The following KCNG4 variants were observed in gnomAD, a reference collection of about 807,000 sequenced individuals.
KCNG4 encodes the protein voltage-gated potassium channel regulatory subunit KCNG4.
In KCNG4, 30 loss-of-function variants were observed where a neutral mutation model predicts 28.2. That is an observed-to-expected ratio of 1.06 (90% confidence interval 0.80 to 1.44). The LOEUF is 1.44. Among genes scored for constraint, KCNG4 ranks in the 40% most tolerant of loss-of-function variants. The pLI is 0.00. For missense variants in KCNG4, 879 were observed against 712.3 expected, an observed-to-expected ratio of 1.23 and a Z score of -2.66; for synonymous variants, 375 against 315.5, an observed-to-expected ratio of 1.19 and a Z score of -2.00.
intron 2 of KCNG4, chr16:84,235,923 TC>T (rs753357180): frequency 6.6e-6 from 1 of 152,166 alleles, no homozygotes; most frequent in Non-Finnish European, 1.5e-5. Flanking sequence ...GGTTCTTATT[TC>T]ACTTCTCAGA....
rs1904536074 is a variant in KCNG4, at chr16:84,220,638, T to A, written c.*1579A>T. The A allele has an allele frequency of 6.6e-6, 1 of 152,278 alleles. No homozygotes were observed. The highest frequency in any genetic ancestry group is 1.5e-5 in the Non-Finnish European group (1 of 68,072). 9.4% of individuals were successfully genotyped at this position (152,278 alleles called of 1,614,324 possible). A position where few individuals can be genotyped will look rare whatever the true frequency, so the allele number is the denominator to read the frequency against. ...ACTTCACTGTCACCTGTTTTGATCT[T>A]GTGCACTTTCTTCAAGAGTCCTAGA... On this transcript the variant is annotated 3_prime_UTR_variant, in exon 3 of 3. Coordinates refer to ENST00000308251, the MANE Select transcript of KCNG4 (RefSeq NM_172347.3).
chr16:84,237,355 A>C lies in KCNG4; in HGVS notation c.131T>G (p.Val44Gly), dbSNP rs778558143. The C allele has an allele frequency of 6.4e-7, 1 of 1,563,302 alleles. No homozygotes were observed. The highest frequency in any genetic ancestry group is 8.7e-7 in the Non-Finnish European group (1 of 1,155,570). The change falls in exon 2 of 3, where the codon GTG (valine) becomes GGG (glycine). Residue 44 changes from valine to glycine, a missense_variant. Coordinates refer to ENST00000308251, the MANE Select transcript of KCNG4 (RefSeq NM_172347.3). ...PSIKGLYYRR[V>G]RKVGALDASP... ...GGCGTCCAGGGCACCCACCTTCCGC[A>C]CCCTCCGGTAGTAAAGGCCCTTGAT... is the stretch of plus-strand genomic sequence containing the variant.
intron 2 of KCNG4, among the ~76,000 whole-genome samples, chr16:84,233,509 C>G (rs1904874151): frequency 6.6e-6 from 1 of 152,102 alleles, no homozygotes; most frequent in African/African-American, 2.4e-5. Flanking sequence ...TTGAGACCAG[C>G]CTGGGCAACA....
intron 2 of KCNG4, among the ~76,000 whole-genome samples, chr16:84,233,423 C>T (rs1904872367): frequency 6.6e-6 from 1 of 152,178 alleles, no homozygotes; most frequent in South Asian, 2.1e-4. Flanking sequence ...AAAGTTAGGG[C>T]TGGGCACGGT....
chr16:84,224,415 C>CACACACAT (rs1555536160), intron 2 of KCNG4, among the ~76,000 whole-genome samples: 29 of 144,536 alleles, frequency 2.0e-4, no homozygotes, highest in East Asian at 5.8e-4. Flanking sequence ...CACACACACA[C>CACACACAT]ACACACACAC....
In KCNG4 at chr16:84,226,245, T is replaced by G. The variant is rs1353167874; in HGVS notation, c.757-3225A>C. On this transcript the variant is annotated intron_variant, in intron 2 of 2. Transcript: ENST00000308251. This position sits in a 1 kb window ranked among gnomAD's most constrained non-coding sequence, Gnocchi z 4.1. ...ACACCGATGAATCCCACAGGCATGA[T>G]GTGGAGCAAAGCAAGCCGGGTGTGT... Among the ~76,000 whole-genome samples, 1 of 152,108 alleles carries G rather than the reference T, an allele frequency of 6.6e-6. No individual in the cohort carries two copies.
At chr16:84,223,171 G>A (rs570371690) in intron 2 of KCNG4, 151 bp from the exon 3 acceptor site, 2 of 659,412 alleles carry the variant, frequency 3.0e-6, no homozygotes, top group African/African-American at 3.7e-5. Flanking sequence ...TTGTGGCTGG[G>A]TACACAGCAG....
chr16:84,237,726 C>T (rs747093534), intron 1 of KCNG4, among the ~76,000 whole-genome samples: 1 of 152,170 alleles, frequency 6.6e-6, no homozygotes, highest in Non-Finnish European at 1.5e-5. Context: ...GAAAAAAACC[C>T]TTCCCTGGTG....
At position 84,231,729 on chromosome 16, in the gene KCNG4, C is replaced by G. The variant is rs190551572; in HGVS notation, c.756+5001G>C. Among the ~76,000 whole-genome samples, 374 of 152,058 alleles carry G rather than the reference C, an allele frequency of 2.5e-3. 4 individuals are homozygous for G. Among genetic ancestry groups the G allele is most frequent in the African/African-American group, 8.3e-3 (346 of 41,486 alleles). ...CATTCAAGTGAGAGTCGGGGTCGGG[C>G]GTGGTGGCTCAAGCTTGTAATCTCA... On this transcript the variant is annotated intron_variant, in intron 2 of 2. Coordinates refer to ENST00000308251, the MANE Select transcript of KCNG4 (RefSeq NM_172347.3).
intron 1 of KCNG4, among the ~76,000 whole-genome samples, chr16:84,239,035 T>C (rs920296180): frequency 2.0e-5 from 3 of 152,328 alleles, no homozygotes; most frequent in Admixed American, 2.0e-4. Context: ...CCATTTCTTA[T>C]GCTATTCATT....
At position 84,219,394 on chromosome 16, in the gene KCNG4, G is replaced by T. The variant is rs996203150; in HGVS notation, c.*2823C>A. 2 of 152,266 alleles carry T rather than the reference G, an allele frequency of 1.3e-5. No individual in the cohort carries two copies. The highest frequency in any genetic ancestry group is 1.3e-4 in the Admixed American group (2 of 15,280). The allele number at this position is 152,266 out of a possible 1,614,324, so 9.4% of individuals were successfully genotyped here. A position where few individuals can be genotyped will look rare whatever the true frequency, so the allele number is the denominator to read the frequency against. ...GTCCCCAGAAAGAGAGTAAGTGGGA[G>T]ACTTTGTCCTTTTACTATTTTGCCT... On this transcript the variant is annotated 3_prime_UTR_variant, in exon 3 of 3. Transcript: ENST00000308251.
rs891609357 is a variant in KCNG4, at chr16:84,218,993, A to G, written c.*3224T>C. ...TATGTCTTCGATGAGAAGGCAGGGCAGATGTGGGGGCTGATGTGGGTCCCA... is the reference window on the plus strand; with the variant it reads ...TATGTCTTCGATGAGAAGGCAGGGCGGATGTGGGGGCTGATGTGGGTCCCA... On this transcript the variant is annotated 3_prime_UTR_variant, in exon 3 of 3. Coordinates refer to ENST00000308251, the MANE Select transcript of KCNG4 (RefSeq NM_172347.3). 6.6e-6 allele frequency: 1 copy of G among 152,262 alleles called. No individual in the cohort carries two copies. The highest frequency in any genetic ancestry group is 2.4e-5 in the African/African-American group (1 of 41,460). The allele number at this position is 152,262 out of a possible 1,614,324, so 9.4% of individuals were successfully genotyped here.
Position 84,238,083 on chromosome 16 carries a change from C to G in KCNG4, c.-40-558G>C, listed in dbSNP as rs540130805. Among the ~76,000 whole-genome samples, 60 of 152,268 alleles carry G rather than the reference C, an allele frequency of 3.9e-4. 1 individual carries two copies. The South Asian group carries it at 0.012, about 32-fold the overall frequency. On this transcript the variant is annotated intron_variant, in intron 1 of 2. Transcript: ENST00000308251. ...ACTGGGGCAGTCTGAGTGCCCACAT[C>G]GTAGGGCATGGCAAGGGTTATATGC...
rs981678733 is a variant in KCNG4, at chr16:84,226,600, T to C, written c.757-3580A>G. Among the ~76,000 whole-genome samples the C allele has an allele frequency of 6.6e-6, 1 of 151,878 alleles. No individual in the cohort carries two copies. Among genetic ancestry groups the C allele is most frequent in the Non-Finnish European group, 1.5e-5 (1 of 67,930 alleles). ...GAAACAAGAATGGCAGAATATTGGC[T>C]GGGCACAATGGCTCACGCCTGTAAT... is the stretch of plus-strand genomic sequence containing the variant. On this transcript the variant is annotated intron_variant, in intron 2 of 2. Transcript: ENST00000308251. The surrounding 1 kb of genome is among the most constrained non-coding windows in gnomAD (Gnocchi z 4.1).
intron 2 of KCNG4, among the ~76,000 whole-genome samples, chr16:84,229,470 G>C (rs1904774193): frequency 1.3e-5 from 2 of 152,340 alleles, no homozygotes; most frequent in African/African-American, 4.8e-5. Context: ...AGCCCAGCAG[G>C]GGTCTAAGAA....
At chr16:84,225,226 G>C (rs1176297905) in intron 2 of KCNG4, among the ~76,000 whole-genome samples, 1 of 151,838 alleles carries the variant, frequency 6.6e-6, no homozygotes, top group Non-Finnish European at 1.5e-5. Context: ...TCTTTGCCAT[G>C]ACTGCCCAGG....
At position 84,220,404 on chromosome 16, in the gene KCNG4, C is replaced by T. The variant is rs8059128; in HGVS notation, c.*1813G>A. ...CGCCAGGAGGCCAAGGCTCCCTGGA[C>T]GCTAGGTGCTGGTGCAGGGTGCTTC... On this transcript the variant is annotated 3_prime_UTR_variant, in exon 3 of 3. Coordinates refer to ENST00000308251, the MANE Select transcript of KCNG4 (RefSeq NM_172347.3). 35,660 of 152,258 alleles carry T rather than the reference C, an allele frequency of 0.23. 4,416 individuals are homozygous for T. The highest frequency in any genetic ancestry group is 0.28 in the Middle Eastern group (82 of 294). The allele number at this position is 152,258 out of a possible 1,614,324, so 9.4% of individuals were successfully genotyped here.
Position 84,219,726 on chromosome 16 carries a change from CAA to C in KCNG4, c.*2489_*2490del, listed in dbSNP as rs35729682. The C allele has an allele frequency of 0.54, 47,752 of 88,182 alleles. 11,040 individuals are homozygous for C. The highest frequency in any genetic ancestry group is 0.66 in the African/African-American group (14,378 of 21,926). 5.5% of individuals were successfully genotyped at this position (88,182 alleles called of 1,614,324 possible). A position where few individuals can be genotyped will look rare whatever the true frequency, so the allele number is the denominator to read the frequency against. On this transcript the variant is annotated 3_prime_UTR_variant, in exon 3 of 3. Transcript: ENST00000308251. ...TGGGTGACAGAGGGAGACTCTGTCTCAAAAAAAAAAAAAAAAAAAATGTTAGT... is the reference window on the plus strand; with the variant it reads ...TGGGTGACAGAGGGAGACTCTGTCTCAAAAAAAAAAAAAAAAAATGTTAGT...
In KCNG4 at chr16:84,226,830, G is replaced by C. The variant is rs1429097507; in HGVS notation, c.757-3810C>G. On this transcript the variant is annotated intron_variant, in intron 2 of 2. Transcript: ENST00000308251. The surrounding 1 kb of genome is among the most constrained non-coding windows in gnomAD (Gnocchi z 4.1). ...GTAGGCGGAGGTTGCAGTGAGCCGA[G>C]ATTGCACCACTGCACTGCAGCCTGG... Among the ~76,000 whole-genome samples the C allele has an allele frequency of 4.6e-5, 7 of 151,904 alleles. No individual in the cohort carries two copies. The highest frequency in any genetic ancestry group is 1.5e-5 in the Non-Finnish European group (1 of 67,962).
Sources: allele counts gnomAD v4.1 joint callset (sites outside exome capture counted in the v4.1 genomes callset), GRCh38; gene constraint gnomAD v4.1.1; non-coding constraint Gnocchi (gnomAD v3.1); transcripts MANE v1.5; gene names NCBI Gene and HGNC (gene_info 2026-07-23, HGNC 2026-07-21).